SLC4A4: variants seen among roughly 807,000 people sequenced by gnomAD.
The protein encoded by SLC4A4 is solute carrier family 4 member 4.
Under a neutral mutation model 111.5 loss-of-function variants are expected in SLC4A4, and 27 were observed. That is an observed-to-expected ratio of 0.24 (90% CI 0.18 to 0.33). The LOEUF is 0.33. SLC4A4 is among the 10% of genes least tolerant of loss of function. The pLI is 1.00. For synonymous variants in SLC4A4, 443 were observed against 463.4 expected (o/e 0.96, Z 0.57); for missense variants, 909 against 1,315.5 (o/e 0.69, Z 4.78).
intron 14 of SLC4A4, among the ~76,000 whole-genome samples, chr4:71,473,494 T>C (rs1134116): frequency 0.26 from 39,057 of 151,648 alleles, 6,849 homozygotes; most frequent in East Asian, 0.59. Context: ...AATTTTATAG[T>C]TTATCTCTAC....
At chr4:71,341,119 G>T (rs1261229087) in intron 4 of SLC4A4, among the ~76,000 whole-genome samples, 2 of 152,078 alleles carry the variant, frequency 1.3e-5, no homozygotes, top group African/African-American at 2.4e-5. Context: ...ACCTCTTATA[G>T]TCTGTAATTT....
intron 16 of SLC4A4, among the ~76,000 whole-genome samples, chr4:71,503,006 A>G (rs933480181): frequency 6.6e-6 from 1 of 152,038 alleles, no homozygotes; most frequent in African/African-American, 2.4e-5. Flanking sequence ...ATGTTTGGGT[A>G]CTCTGTGATT....
At chr4:71,506,022 G>T (rs115902915) in intron 16 of SLC4A4, among the ~76,000 whole-genome samples, 2 of 152,020 alleles carry the variant, frequency 1.3e-5, no homozygotes, top group Non-Finnish European at 2.9e-5. Context: ...CTTATTTCTT[G>T]ATTTTCTATT....
intron 2 of SLC4A4, among the ~76,000 whole-genome samples, chr4:71,098,413 G>A (rs1419056433): frequency 2.0e-5 from 3 of 152,152 alleles, no homozygotes; most frequent in Non-Finnish European, 4.4e-5. Flanking sequence ...GTACCATGCT[G>A]TTTTGGTTAC....
At chr4:71,163,583 A>G (rs773777292) in intron 2 of SLC4A4, among the ~76,000 whole-genome samples, 1 of 152,254 alleles carries the variant, frequency 6.6e-6, no homozygotes, top group Non-Finnish European at 1.5e-5. Flanking sequence ...ACAAAACAGT[A>G]GATATATAGA....
intron 16 of SLC4A4, among the ~76,000 whole-genome samples, chr4:71,520,866 G>GGA (rs1430512986): frequency 3.3e-5 from 5 of 151,824 alleles, no homozygotes; most frequent in Non-Finnish European, 7.4e-5. Flanking sequence ...GCTAGGGGTG[G>GGA]GAGAGAGAGA....
At chr4:71,201,235 C>T (rs1049599162) in intron 1 of SLC4A4, among the ~76,000 whole-genome samples, 7 of 152,140 alleles carry the variant, frequency 4.6e-5, no homozygotes, top group Non-Finnish European at 8.8e-5. Flanking sequence ...CTCAGCTGAA[C>T]CCATCAGGAG....
intron 20 of SLC4A4, among the ~76,000 whole-genome samples, chr4:71,549,023 G>A (rs1735770319): frequency 6.6e-6 from 1 of 151,850 alleles, no homozygotes; most frequent in Non-Finnish European, 1.5e-5. Flanking sequence ...TTTCTGACTG[G>A]ATTCATGAGG....
At chr4:71,371,178 T>C (rs1731836526) in intron 6 of SLC4A4, among the ~76,000 whole-genome samples, 1 of 152,088 alleles carries the variant, frequency 6.6e-6, no homozygotes, top group Admixed American at 6.6e-5. Flanking sequence ...CTCTTTTCTT[T>C]TGTCCTATAT....
At chr4:71,287,122 G>A (rs1020303088) in intron 3 of SLC4A4, among the ~76,000 whole-genome samples, 2 of 152,154 alleles carry the variant, frequency 1.3e-5, no homozygotes, top group Non-Finnish European at 2.9e-5. Flanking sequence ...TAAGAAGGAT[G>A]AGTGGTAGTG....
At chr4:71,360,636 A>C (rs760443464) in intron 6 of SLC4A4, among the ~76,000 whole-genome samples, 1 of 152,168 alleles carries the variant, frequency 6.6e-6, no homozygotes, top group African/African-American at 2.4e-5. Context: ...TATTTGTTGG[A>C]TATTTGATGG....
Position 71,196,823 on chromosome 4 carries a change from G to A in SLC4A4, c.-2+9422G>A, listed in dbSNP as rs572721250. Among the ~76,000 whole-genome samples the A allele has an allele frequency of 6.1e-3, 441 of 71,964 alleles. 6 individuals are homozygous for A. Among genetic ancestry groups the A allele is most frequent in the African/African-American group, 0.019 (412 of 22,154 alleles). 47.2% of individuals were successfully genotyped at this position (71,964 alleles called of 152,430 possible). A position where few individuals can be genotyped will look rare whatever the true frequency, so the allele number is the denominator to read the frequency against. On this transcript the variant is annotated intron_variant, in intron 1 of 25. Coordinates refer to ENST00000264485, the MANE Select transcript of SLC4A4 (RefSeq NM_001098484.3). ...TACTCCAGCCTGGGTGACAGAGCAA[G>A]ACTCTGTCTCCAAAAAAAAAAAAAA...
chr4:71,294,244 G>C (rs545608748), intron 3 of SLC4A4, among the ~76,000 whole-genome samples: 1 of 152,192 alleles, frequency 6.6e-6, no homozygotes, highest in Non-Finnish European at 1.5e-5. Context: ...CTTCTGTGAA[G>C]CTGCCTAGGG....
Position 71,488,349 on chromosome 4 carries a change from C to T in SLC4A4, c.1974+1331C>T, listed in dbSNP as rs143405856. On this transcript the variant is annotated intron_variant, in intron 15 of 25. Transcript: ENST00000264485. Reference sequence around the variant, plus strand: ...CGTTGGGAAGTCCTGGCAGAAACTCCAGCAATTGATATGTATTAAAACAAA... The same window carrying T: ...CGTTGGGAAGTCCTGGCAGAAACTCTAGCAATTGATATGTATTAAAACAAA... Among the ~76,000 whole-genome samples, 114 of 151,254 alleles carry T rather than the reference C, an allele frequency of 7.5e-4. 1 individual carries two copies. The East Asian group carries it at 0.012, about 16-fold the overall frequency.
intron 6 of SLC4A4, among the ~76,000 whole-genome samples, chr4:71,390,184 A>C (rs1719129371): frequency 6.6e-6 from 1 of 152,142 alleles, no homozygotes. Context: ...TCTGACAGAA[A>C]TCCAAACTCT....
rs143470895 is a variant in SLC4A4 at position 71,374,900 on chromosome 4, CTG to C, written c.730+17715_730+17716del. Among the ~76,000 whole-genome samples, 328 of 152,250 alleles carry C rather than the reference CTG, an allele frequency of 2.2e-3. 2 individuals are homozygous for C. The highest frequency in any genetic ancestry group is 7.4e-3 in the African/African-American group (308 of 41,540). On this transcript the variant is annotated intron_variant, in intron 6 of 25. Transcript: ENST00000264485. ...CAGACTCTCCTGCTCATCACCAAAG[CTG>C]TCTGTTTTCCAAACCTTCCTGATCC... is the stretch of plus-strand genomic sequence containing the variant.
intron 7 of SLC4A4, among the ~76,000 whole-genome samples, chr4:71,433,932 C>T (rs556717417): frequency 6.6e-6 from 1 of 152,098 alleles, no homozygotes; most frequent in East Asian, 1.9e-4. Flanking sequence ...CTACTTTCAT[C>T]AGTGTGGATT....
At chr4:71,407,383 A>T (rs1338342676) in intron 7 of SLC4A4, among the ~76,000 whole-genome samples, 2 of 152,224 alleles carry the variant, frequency 1.3e-5, no homozygotes, top group African/African-American at 4.8e-5. Context: ...ATAAAAAAGT[A>T]TAATCTATGA....
chr4:71,478,233 C>G (rs1203381053), intron 14 of SLC4A4, among the ~76,000 whole-genome samples: 3 of 151,878 alleles, frequency 2.0e-5, no homozygotes, highest in Non-Finnish European at 4.4e-5. Context: ...ACTAGAAATA[C>G]CATTTGACCC....
Sources: gnomAD v4.1 joint callset for allele counts (sites outside exome capture counted in the v4.1 genomes callset) on GRCh38, gnomAD v4.1.1 for gene constraint, MANE v1.5 for transcripts, NCBI Gene and HGNC (gene_info 2026-07-23, HGNC 2026-07-21) for gene names.